The following LRRC8D variants were observed in gnomAD, a reference collection of about 807,000 sequenced individuals.
LRRC8D encodes leucine rich repeat containing 8 VRAC subunit D, also known as volume-regulated anion channel subunit LRRC8D.
LRRC8D carries 20 observed loss-of-function variants against 55.8 expected under a neutral mutation model. The ratio of observed to expected loss-of-function variants is 0.36; its 90% confidence interval spans 0.25 to 0.52. LRRC8D has a LOEUF of 0.52. Among genes scored for constraint, LRRC8D ranks in the 20% least tolerant of loss-of-function variants. The pLI, the probability that LRRC8D is intolerant of heterozygous loss-of-function variation, is 0.93. For synonymous variants in LRRC8D, 352 were observed against 377.0 expected (o/e 0.93, Z 0.77); for missense variants, 651 against 1,030.8 (o/e 0.63, Z 5.05).
At chr1:89,860,715 G>A (rs1197009505) in intron 2 of LRRC8D, among the ~76,000 whole-genome samples, 9 of 114,728 alleles carry the variant, frequency 7.8e-5, no homozygotes, top group South Asian at 3.2e-4. Context: ...CCGAGATCAC[G>A]CCACTGCACT....
chr1:89,891,137 C>T (rs1662569664), intron 2 of LRRC8D, among the ~76,000 whole-genome samples: 1 of 152,202 alleles, frequency 6.6e-6, no homozygotes, highest in South Asian at 2.1e-4. Context: ...GCCTCAGCCT[C>T]CCAAAGGGCT....
chr1:89,905,980 G>A (rs751118706), intron 2 of LRRC8D, among the ~76,000 whole-genome samples: 17 of 152,200 alleles, frequency 1.1e-4, no homozygotes, highest in Non-Finnish European at 2.4e-4. Flanking sequence ...CAGGGACATT[G>A]AATGGGGAAG....
chr1:89,921,008 T>A (rs1055641120), intron 2 of LRRC8D, among the ~76,000 whole-genome samples: 7 of 152,232 alleles, frequency 4.6e-5, no homozygotes, highest in Non-Finnish European at 8.8e-5. Context: ...AGGGCTAACT[T>A]TTTTCCCTGC....
chr1:89,874,388 A>G (rs541945133), intron 2 of LRRC8D, among the ~76,000 whole-genome samples: 98 of 151,690 alleles, frequency 6.5e-4, no homozygotes, highest in Admixed American at 1.4e-3. Context: ...GGATTCTATG[A>G]CCTCGAAGTG....
intron 2 of LRRC8D, among the ~76,000 whole-genome samples, chr1:89,864,856 A>G (rs548540289): frequency 7.9e-5 from 12 of 152,264 alleles, no homozygotes; most frequent in African/African-American, 2.9e-4. Flanking sequence ...CTTATTGGCT[A>G]AGTTTTCATG....
intron 2 of LRRC8D, among the ~76,000 whole-genome samples, chr1:89,871,422 T>C (rs1221957025): frequency 6.6e-6 from 1 of 152,234 alleles, no homozygotes; most frequent in African/African-American, 2.4e-5. Flanking sequence ...AGCGTTCTTT[T>C]GGGGTTCAGA....
intron 2 of LRRC8D, among the ~76,000 whole-genome samples, chr1:89,851,784 A>G (rs1417946981): frequency 6.6e-6 from 1 of 152,142 alleles, no homozygotes; most frequent in African/African-American, 2.4e-5. Context: ...TGCTAGGATT[A>G]CAGGCATGAG....
At chr1:89,879,049 A>G (rs1402124613) in intron 2 of LRRC8D, among the ~76,000 whole-genome samples, 1 of 151,342 alleles carries the variant, frequency 6.6e-6, no homozygotes, top group Non-Finnish European at 1.5e-5. Flanking sequence ...GTTTGGCTGC[A>G]GCCCCTATTT....
chr1:89,887,443 A>G (rs1319490335), intron 2 of LRRC8D, among the ~76,000 whole-genome samples: 1 of 152,180 alleles, frequency 6.6e-6, no homozygotes, highest in African/African-American at 2.4e-5. Context: ...CACATGATCT[A>G]ACAAGTGCAG....
chr1:89,847,446 G>A (rs958482344), intron 2 of LRRC8D, among the ~76,000 whole-genome samples: 2 of 152,080 alleles, frequency 1.3e-5, no homozygotes, highest in Non-Finnish European at 2.9e-5. Context: ...TCCTTAATAC[G>A]CAGTGCACTG....
intron 2 of LRRC8D, among the ~76,000 whole-genome samples, chr1:89,916,580 T>C (rs1209086324): frequency 6.6e-6 from 1 of 152,238 alleles, no homozygotes; most frequent in Non-Finnish European, 1.5e-5. Flanking sequence ...GATTTTTAAG[T>C]CTTCATTACG....
chr1:89,893,684 ATG>A (rs1341479560), intron 2 of LRRC8D, among the ~76,000 whole-genome samples: 1 of 152,164 alleles, frequency 6.6e-6, no homozygotes, highest in Non-Finnish European at 1.5e-5. Context: ...GTATTTTAGA[ATG>A]TCTTTTATAC....
At position 89,935,407 on chromosome 1, in the gene LRRC8D, T is replaced by A; in HGVS notation, c.2339T>A (p.Leu780Ter). 6.2e-7 allele frequency: 1 copy of A among 1,614,268 alleles called. No homozygotes were observed. Among genetic ancestry groups the A allele is most frequent in the East Asian group, 2.2e-5 (1 of 44,892 alleles). The change falls in exon 3 of 3, where the codon TTG (leucine) becomes TAG (stop). Residue 780 changes from leucine (L) to a stop codon, truncating the protein, a stop_gained. Coordinates refer to ENST00000337338, the MANE Select transcript of LRRC8D (RefSeq NM_001134479.2). LOFTEE classifies it high-confidence loss of function. The part of the protein sequence containing the change: ...QLFKCIKLRT[L>*]NLGQNCITSL... ...TTTAAATGCATAAAGTTGAGGACTT[T>A]GAATCTGGGACAGAACTGCATCACC... is the stretch of plus-strand genomic sequence containing the variant.
intron 2 of LRRC8D, among the ~76,000 whole-genome samples, chr1:89,892,533 T>C (rs531860207): frequency 7.2e-5 from 11 of 152,176 alleles, no homozygotes; most frequent in African/African-American, 2.2e-4. Context: ...TTTTTTTTTT[T>C]CTTTTGAGAC....
At chr1:89,877,310 T>C (rs1662171726) in intron 2 of LRRC8D, among the ~76,000 whole-genome samples, 1 of 152,140 alleles carries the variant, frequency 6.6e-6, no homozygotes, top group East Asian at 1.9e-4. Flanking sequence ...TTTTTGACCT[T>C]GGTCAAGTTA....
intron 2 of LRRC8D, among the ~76,000 whole-genome samples, chr1:89,870,032 C>T (rs1363606389): frequency 2.0e-5 from 3 of 151,912 alleles, no homozygotes; most frequent in African/African-American, 7.3e-5. Flanking sequence ...TGCTTGAACC[C>T]AGGAGGCAGA....
chr1:89,867,134 A>G (rs1661870878), intron 2 of LRRC8D, among the ~76,000 whole-genome samples: 2 of 152,098 alleles, frequency 1.3e-5, no homozygotes, highest in Non-Finnish European at 2.9e-5. Flanking sequence ...TTATCACCCG[A>G]AAAGAAACTC....
At chr1:89,928,094 G>T (rs976272899) in intron 2 of LRRC8D, among the ~76,000 whole-genome samples, 6 of 152,202 alleles carry the variant, frequency 3.9e-5, no homozygotes, top group African/African-American at 1.2e-4. Context: ...TTTGAGACGG[G>T]AGTCTTGCTC....
chr1:89,860,020 T>C (rs1661660304), intron 2 of LRRC8D, among the ~76,000 whole-genome samples: 1 of 152,244 alleles, frequency 6.6e-6, no homozygotes, highest in Non-Finnish European at 1.5e-5. Context: ...TTTACAGCAG[T>C]GTCAGAATAT....
Sources: gnomAD v4.1 joint callset for allele counts (sites outside exome capture counted in the v4.1 genomes callset) on GRCh38, gnomAD v4.1.1 for gene constraint, MANE v1.5 for transcripts, NCBI Gene and HGNC (gene_info 2026-07-23, HGNC 2026-07-21) for gene names.